PAG1: variants seen among roughly 807,000 people sequenced by gnomAD.
The protein encoded by PAG1 is phosphoprotein membrane anchor with glycosphingolipid microdomains 1.
PAG1 carries 23 observed loss-of-function variants against 31.7 expected under a neutral mutation model. The ratio of observed to expected loss-of-function variants is 0.73; its 90% confidence interval spans 0.52 to 1.03. The LOEUF (loss-of-function observed/expected upper bound fraction) is 1.03, where lower values mean the gene tolerates loss of function less well. PAG1 is among the 50% of genes least tolerant of loss of function. The pLI, the probability that PAG1 is intolerant of heterozygous loss-of-function variation, is 0.00. For missense variants in PAG1, 473 were observed against 540.7 expected, an observed-to-expected ratio of 0.87 and a Z score of 1.24; for synonymous variants, 214 against 210.3, an observed-to-expected ratio of 1.02 and a Z score of -0.15.
chr8:80,979,175 T>C (rs1480246539), intron 8 of PAG1, among the ~76,000 whole-genome samples: 1 of 152,240 alleles, frequency 6.6e-6, no homozygotes, highest in African/African-American at 2.4e-5. Context: ...TTTCAAAAAA[T>C]ACAAACAAAT....
intron 8 of PAG1, among the ~76,000 whole-genome samples, chr8:80,978,078 G>A (rs1230960443): frequency 6.6e-6 from 1 of 152,060 alleles, no homozygotes; most frequent in Non-Finnish European, 1.5e-5. Context: ...GCCTTCTTAT[G>A]TCTCAAAAGC....
chr8:81,065,167 AT>A (rs1175326252), intron 2 of PAG1, among the ~76,000 whole-genome samples: 2 of 152,208 alleles, frequency 1.3e-5, no homozygotes, highest in Non-Finnish European at 2.9e-5. Flanking sequence ...CAATGGCACA[AT>A]TTCTAAGAAA....
intron 8 of PAG1, among the ~76,000 whole-genome samples, chr8:80,978,568 G>A (rs1050777645): frequency 2.6e-5 from 4 of 152,142 alleles, no homozygotes; most frequent in African/African-American, 9.7e-5. Context: ...CCTCACCACC[G>A]TTAGCTTCTC....
chr8:81,054,909 AG>A (rs547254431), intron 2 of PAG1, among the ~76,000 whole-genome samples: 75 of 152,048 alleles, frequency 4.9e-4, no homozygotes, highest in Non-Finnish European at 8.5e-4. Flanking sequence ...GGATGGGAGA[AG>A]GGGGAAACTT....
At position 80,968,360 on chromosome 8, in the gene PAG1, C is replaced by T. The variant is rs546451491; in HGVS notation, c.*8184G>A. 7 of 152,294 alleles carry T rather than the reference C, an allele frequency of 4.6e-5. No homozygotes were observed. In the South Asian group the frequency reaches 1.0e-3, roughly 23 times the overall value. The allele number at this position is 152,294 out of a possible 1,614,324, so 9.4% of individuals were successfully genotyped here. On this transcript the variant is annotated 3_prime_UTR_variant, in exon 9 of 9. Coordinates refer to ENST00000220597, the MANE Select transcript of PAG1 (RefSeq NM_018440.4). ...GCACAGAGAAGTTAAATCATTTGCT[C>T]GAGGTCACATAGTAAAGTCAATGCT... is the stretch of plus-strand genomic sequence containing the variant.
chr8:80,973,396 T>C lies in PAG1; in HGVS notation c.*3148A>G, dbSNP rs1433109374. ...AACATTTGACAAATTAAAAAAATTT[T>C]GCATAAAACAGGTTACCCTTTCCTG... On this transcript the variant is annotated 3_prime_UTR_variant, in exon 9 of 9. Coordinates refer to ENST00000220597, the MANE Select transcript of PAG1 (RefSeq NM_018440.4). 2 of 152,196 alleles carry C rather than the reference T, an allele frequency of 1.3e-5. No homozygotes were observed. Among genetic ancestry groups the C allele is most frequent in the African/African-American group, 4.8e-5 (2 of 41,454 alleles). The allele number at this position is 152,196 out of a possible 1,614,324, so 9.4% of individuals were successfully genotyped here. A position where few individuals can be genotyped will look rare whatever the true frequency, so the allele number is the denominator to read the frequency against.
At chr8:81,005,291 CAT>C (rs769176595) in intron 3 of PAG1, among the ~76,000 whole-genome samples, 1 of 152,172 alleles carries the variant, frequency 6.6e-6, no homozygotes, top group Non-Finnish European at 1.5e-5. Flanking sequence ...GAGAGAATGG[CAT>C]ATATATGTAT....
chr8:81,087,119 C>T (rs941678688), intron 1 of PAG1, among the ~76,000 whole-genome samples: 9 of 152,030 alleles, frequency 5.9e-5, no homozygotes, highest in African/African-American at 1.2e-4. Context: ...CCAAGGCGGG[C>T]GGATCCCGAG....
At chr8:80,980,353 T>A in intron 8 of PAG1, 82 bp downstream of exon 8, 1 of 781,320 alleles carries the variant, frequency 1.3e-6, no homozygotes, top group South Asian at 1.5e-5. Context: ...TTTCAAAGGG[T>A]AACATTACAG....
At chr8:81,026,159 G>C (rs1295150948) in intron 3 of PAG1, among the ~76,000 whole-genome samples, 4 of 152,004 alleles carry the variant, frequency 2.6e-5, no homozygotes, top group Non-Finnish European at 5.9e-5. Flanking sequence ...AAAGTGCTTA[G>C]ACCAGTGCTT....
intron 2 of PAG1, among the ~76,000 whole-genome samples, chr8:81,044,521 T>C (rs1228802498): frequency 1.3e-5 from 2 of 152,214 alleles, no homozygotes; most frequent in Admixed American, 1.3e-4. Flanking sequence ...AGAGGGAACA[T>C]GGTCCTGTTG....
chr8:81,085,654 T>C (rs2131034980), intron 1 of PAG1, among the ~76,000 whole-genome samples: 1 of 152,342 alleles, frequency 6.6e-6, no homozygotes, highest in South Asian at 2.1e-4. Flanking sequence ...TGAGGACTTA[T>C]TTTCCCTTTA....
intron 1 of PAG1, among the ~76,000 whole-genome samples, chr8:81,107,273 C>T (rs1311886045): frequency 6.6e-6 from 1 of 152,166 alleles, no homozygotes; most frequent in Non-Finnish European, 1.5e-5. Context: ...CTGCTCCTGG[C>T]AGTGGCTAAG....
In PAG1 at chr8:81,107,942, A is replaced by T. The variant is rs530319984; in HGVS notation, c.-234+3649T>A. Among the ~76,000 whole-genome samples, 69 of 152,324 alleles carry T rather than the reference A, an allele frequency of 4.5e-4. 1 individual carries two copies. The South Asian group carries it at 0.014, about 30-fold the overall frequency. On this transcript the variant is annotated intron_variant, in intron 1 of 8. Transcript: ENST00000220597. ...AAGCCCAAAGTGAAGAAAATTCAAAACAGTACATATGACTGTCAATGGTCT... is the reference window on the plus strand; with the variant it reads ...AAGCCCAAAGTGAAGAAAATTCAAATCAGTACATATGACTGTCAATGGTCT...
chr8:81,063,849 C>T (rs1028693044), intron 2 of PAG1, among the ~76,000 whole-genome samples: 10 of 152,054 alleles, frequency 6.6e-5, no homozygotes, highest in Non-Finnish European at 1.5e-4. Flanking sequence ...ACCCCCAGAC[C>T]CAAGGATTAT....
intron 1 of PAG1, among the ~76,000 whole-genome samples, chr8:81,101,933 T>C (rs1202832291): frequency 1.3e-5 from 2 of 152,126 alleles, no homozygotes; most frequent in African/African-American, 4.8e-5. Flanking sequence ...AATATTAAAA[T>C]ATATACTCAT....
At position 80,975,776 on chromosome 8, in the gene PAG1, G is replaced by A. The variant is rs1807165674; in HGVS notation, c.*768C>T. Reference sequence around the variant, plus strand: ...ATTCGGACGAGTTTTCAAACACTGGGGGAAACACGTTTTTGACTAGAAAAA... The same window carrying A: ...ATTCGGACGAGTTTTCAAACACTGGAGGAAACACGTTTTTGACTAGAAAAA... On this transcript the variant is annotated 3_prime_UTR_variant, in exon 9 of 9. Coordinates refer to ENST00000220597, the MANE Select transcript of PAG1 (RefSeq NM_018440.4). 2 of 152,148 alleles carry A rather than the reference G, an allele frequency of 1.3e-5. No individual in the cohort carries two copies. Among genetic ancestry groups the A allele is most frequent in the South Asian group, 2.1e-4 (1 of 4,830 alleles). The allele number at this position is 152,148 out of a possible 1,614,324, so 9.4% of individuals were successfully genotyped here.
chr8:80,989,734 T>C (rs956900736), intron 5 of PAG1, among the ~76,000 whole-genome samples: 1 of 152,178 alleles, frequency 6.6e-6, no homozygotes, highest in South Asian at 2.1e-4. Flanking sequence ...TCTAGGCCAG[T>C]GGCTCTCACA....
chr8:81,088,534 A>G (rs561600236), intron 1 of PAG1, among the ~76,000 whole-genome samples: 2 of 152,340 alleles, frequency 1.3e-5, no homozygotes, highest in South Asian at 4.1e-4. Context: ...TGACTATAAT[A>G]CAAAATAGAC....
Sources: allele counts gnomAD v4.1 joint callset (sites outside exome capture counted in the v4.1 genomes callset), GRCh38; gene constraint gnomAD v4.1.1; transcripts MANE v1.5; gene names NCBI Gene and HGNC (gene_info 2026-07-23, HGNC 2026-07-21).